Variants in RFX3 observed in about 807,000 individuals in gnomAD.
RFX3 encodes regulatory factor X3.
In RFX3, 14 loss-of-function variants were observed where a neutral mutation model predicts 98.6. The ratio of observed to expected loss-of-function variants is 0.14; its 90% CI spans 0.09 to 0.22. The LOEUF (loss-of-function observed/expected upper bound fraction) is 0.22. Among genes scored for constraint, RFX3 ranks in the 10% least tolerant of loss-of-function variants. The pLI, the probability that RFX3 is intolerant of heterozygous loss-of-function variation, is 1.00. For missense variants in RFX3, 639 were observed against 926.9 expected, an observed-to-expected ratio of 0.69 and a Z score of 4.03; for synonymous variants, 383 against 328.4, an observed-to-expected ratio of 1.17 and a Z score of -1.80.
At position 3,505,976 on chromosome 9, in the gene RFX3, C is replaced by T. The variant is rs891179012; in HGVS notation, c.-9+19771G>A. Reference sequence around the variant, plus strand: ...ACAGCAGTTCACTTCTTGGCCCCTACTTTATGTGCCAATATTTGCTCAAGA... The same window carrying T: ...ACAGCAGTTCACTTCTTGGCCCCTATTTTATGTGCCAATATTTGCTCAAGA... On this transcript the variant is annotated intron_variant, in intron 1 of 16. Transcript: ENST00000617270. Among the ~76,000 whole-genome samples, 71 of 151,810 alleles carry T rather than the reference C, an allele frequency of 4.7e-4. 1 individual carries two copies. Among genetic ancestry groups the T allele is most frequent in the Admixed American group, 8.6e-4 (13 of 15,190 alleles).
chr9:3,237,165 T>C (rs183917302), intron 15 of RFX3, among the ~76,000 whole-genome samples: 4 of 152,358 alleles, frequency 2.6e-5, no homozygotes, highest in Non-Finnish European at 5.9e-5. Flanking sequence ...GAACTAATTA[T>C]GTTTATGCTT....
chr9:3,495,466 C>G (rs1186128639), intron 1 of RFX3, among the ~76,000 whole-genome samples: 1 of 151,962 alleles, frequency 6.6e-6, no homozygotes, highest in Non-Finnish European at 1.5e-5. Context: ...TTTAACATTT[C>G]TGGATTTATT....
intron 1 of RFX3, among the ~76,000 whole-genome samples, chr9:3,515,667 C>A (rs1034653718): frequency 2.0e-5 from 3 of 152,280 alleles, no homozygotes; most frequent in African/African-American, 7.2e-5. Flanking sequence ...GGAAACTTAA[C>A]TGACAAGCAA....
chr9:3,290,201 TA>T (rs1293258037), intron 6 of RFX3, among the ~76,000 whole-genome samples: 4,414 of 141,576 alleles, frequency 0.031, 82 homozygotes, highest in African/African-American at 0.044. Flanking sequence ...TACATACAAT[TA>T]AAAAAAAAAA....
At chr9:3,258,680 A>C (rs1822455000) in intron 13 of RFX3, among the ~76,000 whole-genome samples, 2 of 152,012 alleles carry the variant, frequency 1.3e-5, no homozygotes, top group South Asian at 4.1e-4. Flanking sequence ...GAATACAAAT[A>C]AGCAAAAAAG....
chr9:3,340,132 G>T (rs1254357546), intron 3 of RFX3, among the ~76,000 whole-genome samples: 1 of 152,060 alleles, frequency 6.6e-6, no homozygotes, highest in Non-Finnish European at 1.5e-5. Flanking sequence ...TGACAAACCT[G>T]GCAAAAACAA....
intron 4 of RFX3, among the ~76,000 whole-genome samples, chr9:3,310,356 T>A (rs1214361140): frequency 1.3e-5 from 2 of 152,178 alleles, no homozygotes; most frequent in African/African-American, 2.4e-5. Context: ...CCTTATATGC[T>A]AATAAGGCAG....
In RFX3 at chr9:3,220,752, T is replaced by A. The variant is rs1280446099; in HGVS notation, c.*4290A>T. The A allele has an allele frequency of 6.6e-6, 1 of 152,106 alleles. No homozygotes were observed. The highest frequency in any genetic ancestry group is 1.5e-5 in the Non-Finnish European group (1 of 68,016). 9.4% of individuals were successfully genotyped at this position (152,106 alleles called of 1,614,324 possible). On this transcript the variant is annotated 3_prime_UTR_variant, in exon 17 of 17. Coordinates refer to ENST00000617270, the MANE Select transcript of RFX3 (RefSeq NM_001282116.2). Reference sequence around the variant, plus strand: ...TTGTCCCCCATTGTATATCTTACAATGCTCAAAGGGTTAATACAAGGCATT... The same window carrying A: ...TTGTCCCCCATTGTATATCTTACAAAGCTCAAAGGGTTAATACAAGGCATT...
At chr9:3,383,618 C>T (rs917310078) in intron 2 of RFX3, among the ~76,000 whole-genome samples, 13 of 152,046 alleles carry the variant, frequency 8.6e-5, no homozygotes, top group African/African-American at 2.2e-4. Flanking sequence ...TGAGTTACTA[C>T]GCAGCCAGGA....
chr9:3,277,958 A>G, intron 7 of RFX3, among the ~76,000 whole-genome samples: 1 of 152,006 alleles, frequency 6.6e-6, no homozygotes, highest in Non-Finnish European at 1.5e-5. Flanking sequence ...CCTTTCGTGC[A>G]TCTCAACACA....
intron 15 of RFX3, among the ~76,000 whole-genome samples, chr9:3,243,035 G>A (rs949242143): frequency 2.0e-5 from 3 of 151,904 alleles, no homozygotes; most frequent in African/African-American, 7.2e-5. Flanking sequence ...AATGGACTAT[G>A]TATGTTTTAA....
At chr9:3,293,869 G>T (rs1477041903) in intron 5 of RFX3, among the ~76,000 whole-genome samples, 1 of 152,024 alleles carries the variant, frequency 6.6e-6, no homozygotes. Flanking sequence ...CAAGACATTG[G>T]CAAAGAGTTT....
chr9:3,454,288 G>A (rs541864008), intron 1 of RFX3, among the ~76,000 whole-genome samples: 1 of 152,190 alleles, frequency 6.6e-6, no homozygotes, highest in Non-Finnish European at 1.5e-5. Flanking sequence ...ATATACACAG[G>A]CAACACTCGA....
In RFX3 at chr9:3,359,156, G is replaced by C. The variant is rs577259062; in HGVS notation, c.118-12392C>G. 4.6e-5 allele frequency among the ~76,000 whole-genome samples: 7 copies of C among 151,890 alleles called. No homozygotes were observed. In the South Asian group the frequency reaches 1.5e-3, roughly 32 times the overall value. On this transcript the variant is annotated intron_variant, in intron 2 of 16. Coordinates refer to ENST00000617270, the MANE Select transcript of RFX3 (RefSeq NM_001282116.2). ...GGGCATACCGCTTGCAATTTGAGAA[G>C]GGATTTTTTTCAAAGGTAAAAGATA...
At chr9:3,466,986 G>A (rs1848280090) in intron 1 of RFX3, among the ~76,000 whole-genome samples, 1 of 145,560 alleles carries the variant, frequency 6.9e-6, no homozygotes, top group African/African-American at 2.5e-5. Context: ...CCTACTTCCT[G>A]GAAACCTCTA....
intron 4 of RFX3, among the ~76,000 whole-genome samples, chr9:3,312,648 T>C (rs2920368): frequency 1.3e-5 from 2 of 151,550 alleles, no homozygotes; most frequent in Non-Finnish European, 2.9e-5. Flanking sequence ...GCAGCTCCCA[T>C]TGTGAGCAAC....
intron 3 of RFX3, among the ~76,000 whole-genome samples, chr9:3,342,590 C>T (rs1342916591): frequency 2.6e-5 from 4 of 151,926 alleles, no homozygotes. Flanking sequence ...TCTGTTTCCA[C>T]TTCGACTAGC....
chr9:3,427,221 T>C (rs1228166821), intron 1 of RFX3, among the ~76,000 whole-genome samples: 3 of 145,208 alleles, frequency 2.1e-5, no homozygotes, highest in South Asian at 2.1e-4. Context: ...AATAAATATA[T>C]AATACAATAT....
intron 1 of RFX3, among the ~76,000 whole-genome samples, chr9:3,422,358 G>A (rs1274797475): frequency 6.6e-6 from 1 of 152,192 alleles, no homozygotes; most frequent in Non-Finnish European, 1.5e-5. Context: ...TGGTAATGGT[G>A]GAAGTTCACA....
Sources: gnomAD v4.1 joint callset for allele counts (sites outside exome capture counted in the v4.1 genomes callset) on GRCh38, gnomAD v4.1.1 for gene constraint, MANE v1.5 for transcripts, NCBI Gene and HGNC (gene_info 2026-07-23, HGNC 2026-07-21) for gene names.